NUP93: variants seen among roughly 807,000 people sequenced by gnomAD.
NUP93 encodes the protein nuclear pore complex protein Nup93.
Under a neutral mutation model 107.8 loss-of-function variants are expected in NUP93, and 55 were observed. That is an observed-to-expected ratio of 0.51 (90% confidence interval 0.41 to 0.64). The LOEUF (loss-of-function observed/expected upper bound fraction) is 0.64. Among genes scored for constraint, NUP93 ranks in the 30% least tolerant of loss-of-function variants. NUP93 has a pLI of 0.00. For synonymous variants in NUP93, 390 were observed against 397.5 expected (o/e 0.98, Z 0.22); for missense variants, 937 against 1,044.7 (o/e 0.90, Z 1.42).
Position 56,833,213 on chromosome 16 carries a change from A to G in NUP93, c.1346-2A>G. ...TATCTCCTCTCCTCTCCTCTCTCCCAGGCGAGTCCCACTTTACGGTGAACC... is the reference window on the plus strand; with the variant it reads ...TATCTCCTCTCCTCTCCTCTCTCCCGGGCGAGTCCCACTTTACGGTGAACC... On this transcript the variant is annotated splice_acceptor_variant, in intron 12 of 21. Coordinates refer to ENST00000308159, the MANE Select transcript of NUP93 (RefSeq NM_014669.5). LOFTEE classifies it high-confidence loss of function. 1.9e-6 allele frequency: 3 copies of G among 1,597,300 alleles called. No individual in the cohort carries two copies. Among genetic ancestry groups the G allele is most frequent in the Non-Finnish European group, 2.6e-6 (3 of 1,174,248 alleles).
chr16:56,791,482 A>G (rs540831616), intron 3 of NUP93, among the ~76,000 whole-genome samples: 4 of 152,302 alleles, frequency 2.6e-5, no homozygotes, highest in Non-Finnish European at 5.9e-5. Context: ...TGTAGTTTTC[A>G]CTTTTGGGAA....
intron 4 of NUP93, among the ~76,000 whole-genome samples, chr16:56,803,153 T>TA (rs1305968009): frequency 5.9e-5 from 9 of 152,116 alleles, no homozygotes; most frequent in Admixed American, 5.2e-4. Flanking sequence ...AGTGTTTCTT[T>TA]AAAAAATCAA....
intron 6 of NUP93, among the ~76,000 whole-genome samples, chr16:56,819,605 TG>T (rs1316567767): frequency 1.3e-5 from 2 of 152,106 alleles, no homozygotes; most frequent in Admixed American, 1.3e-4. Flanking sequence ...GTAGGGTGGT[TG>T]GAGACAAAAA....
rs1164311845 is a variant in NUP93, at chr16:56,765,245, A to G, written c.297+6590A>G. 2.0e-5 allele frequency among the ~76,000 whole-genome samples: 3 copies of G among 152,206 alleles called. No homozygotes were observed. The East Asian group carries it at 5.8e-4, about 29-fold the overall frequency. ...AAAATATAAGAGACTATTCCATGGA[A>G]TCTAATGGTGTGAAGGCTTTTAGTT... On this transcript the variant is annotated intron_variant, in intron 3 of 21. Transcript: ENST00000308159.
chr16:56,778,676 A>G (rs1177888612), intron 3 of NUP93, among the ~76,000 whole-genome samples: 1 of 152,160 alleles, frequency 6.6e-6, no homozygotes. Flanking sequence ...GGGCAAGGAG[A>G]AGGATGGGTG....
At chr16:56,833,162 T>TGAG in intron 12 of NUP93, 53 bp from the exon 13 acceptor site, 1 of 1,500,586 alleles carries the variant, frequency 6.7e-7, no homozygotes, top group Non-Finnish European at 9.0e-7. Context: ...GGGCCACCAG[T>TGAG]GAGCCCCTTC....
At chr16:56,843,530 C>T (rs760418757) in intron 21 of NUP93, among the ~76,000 whole-genome samples, 8 of 152,206 alleles carry the variant, frequency 5.3e-5, no homozygotes, top group Non-Finnish European at 7.3e-5. Flanking sequence ...AGCCCACTGA[C>T]GTCCTTGGTT....
intron 1 of NUP93, among the ~76,000 whole-genome samples, chr16:56,730,856 A>G (rs1961523255): frequency 6.6e-6 from 1 of 152,172 alleles, no homozygotes; most frequent in Non-Finnish European, 1.5e-5. Context: ...CCTTGGTGAA[A>G]GTATGAAAGA....
rs12928581 is a variant in NUP93 at position 56,818,477 on chromosome 16, T to C, written c.490-187T>C. ...ATCCAATCTCATGCCTGCTCTCTTCTCATGTGTTCATAGTAAAAGTTGCAT... is the reference window on the plus strand; with the variant it reads ...ATCCAATCTCATGCCTGCTCTCTTCCCATGTGTTCATAGTAAAAGTTGCAT... On this transcript the variant is annotated intron_variant, in intron 5 of 21. Transcript: ENST00000308159. Among the ~76,000 whole-genome samples, 42,950 of 152,138 alleles carry C rather than the reference T, an allele frequency of 0.28. 6,256 individuals are homozygous for C. The highest frequency in any genetic ancestry group is 0.32 in the Admixed American group (4,952 of 15,286).
Position 56,831,883 on chromosome 16 carries a change from G to T in NUP93, c.1127G>T (p.Arg376Leu). The change falls in exon 11 of 22, where the codon CGT becomes CTT. Residue 376 changes from arginine (R) to leucine (L), a missense_variant. Transcript: ENST00000308159. ...ATENKLRLHY[R>L]RALRNNTDPY... The stretch of plus-strand genomic sequence containing the variant: ...GAAAACAAGCTCCGGCTGCATTACC[G>T]TAGGGCCCTCAGGAACAATACAGAT... 6.2e-7 allele frequency: 1 copy of T among 1,613,986 alleles called. No homozygotes were observed. The highest frequency in any genetic ancestry group is 2.2e-5 in the East Asian group (1 of 44,874).
intron 3 of NUP93, among the ~76,000 whole-genome samples, chr16:56,776,501 A>G (rs1962420001): frequency 6.6e-6 from 1 of 152,244 alleles, no homozygotes; most frequent in Admixed American, 6.5e-5. Flanking sequence ...ACCTTGGGAC[A>G]ATGTTCAGCT....
intron 3 of NUP93, among the ~76,000 whole-genome samples, chr16:56,765,341 G>T (rs1280378525): frequency 1.3e-5 from 2 of 152,148 alleles, no homozygotes. Context: ...GGATGTTCAT[G>T]ATACCCTTTC....
intron 2 of NUP93, among the ~76,000 whole-genome samples, chr16:56,756,333 C>T (rs2144476936): frequency 1.7e-5 from 2 of 116,844 alleles, no homozygotes; most frequent in South Asian, 6.3e-4. Context: ...GTGTGTTGTT[C>T]CCCTCCCCGT....
chr16:56,779,779 A>G (rs1436227800), intron 3 of NUP93, among the ~76,000 whole-genome samples: 3 of 152,212 alleles, frequency 2.0e-5, no homozygotes, highest in Non-Finnish European at 2.9e-5. Flanking sequence ...TGGCAATACT[A>G]AAGAGGAAAA....
intron 1 of NUP93, among the ~76,000 whole-genome samples, chr16:56,745,177 G>A (rs1277933553): frequency 1.3e-5 from 2 of 152,184 alleles, no homozygotes; most frequent in Non-Finnish European, 2.9e-5. Flanking sequence ...GAAACAGATA[G>A]GGAGTCAGCC....
chr16:56,832,449 T>C lies in NUP93; in HGVS notation c.1345+61T>C, dbSNP rs1444578635. 2.2e-6 allele frequency: 3 copies of C among 1,371,628 alleles called. No individual in the cohort carries two copies. The African/African-American group carries it at 4.3e-5, about 20-fold the overall frequency. The allele number at this position is 1,371,628 out of a possible 1,614,324, so 85.0% of individuals were successfully genotyped here. A position where few individuals can be genotyped will look rare whatever the true frequency, so the allele number is the denominator to read the frequency against. On this transcript the variant is annotated intron_variant, in intron 12 of 21. Coordinates refer to ENST00000308159, the MANE Select transcript of NUP93 (RefSeq NM_014669.5). ...TGTCCACTTAAGGTGACTACTTCAGTTTTCCTCTGGGAAAATTTTTCATCT... is the reference window on the plus strand; with the variant it reads ...TGTCCACTTAAGGTGACTACTTCAGCTTTCCTCTGGGAAAATTTTTCATCT...
At chr16:56,838,030 A>G (rs531317827) in intron 18 of NUP93, among the ~76,000 whole-genome samples, 6 of 152,356 alleles carry the variant, frequency 3.9e-5, no homozygotes, top group East Asian at 3.9e-4. Flanking sequence ...ATACTGTTGT[A>G]TACTTTCATC....
chr16:56,766,322 C>G (rs567211993), intron 3 of NUP93, among the ~76,000 whole-genome samples: 1 of 152,308 alleles, frequency 6.6e-6, no homozygotes, highest in East Asian at 1.9e-4. Context: ...CAGATATTGG[C>G]CAGGCTCTGG....
At chr16:56,761,248 C>T (rs1367263964) in intron 3 of NUP93, among the ~76,000 whole-genome samples, 7 of 152,192 alleles carry the variant, frequency 4.6e-5, no homozygotes, top group African/African-American at 1.4e-4. Context: ...TTGTGTGGCT[C>T]AGTTGACCTG....
Sources: gnomAD v4.1 joint callset for allele counts (sites outside exome capture counted in the v4.1 genomes callset) on GRCh38, gnomAD v4.1.1 for gene constraint, MANE v1.5 for transcripts, NCBI Gene and HGNC (gene_info 2026-07-23, HGNC 2026-07-21) for gene names.